EMC7: variants seen among roughly 807,000 people sequenced by gnomAD.
EMC7 encodes ER membrane protein complex subunit 7.
A neutral mutation model predicts 24.4 loss-of-function variants in EMC7; 4 were observed. That is an observed-to-expected ratio of 0.16 (90% CI 0.08 to 0.38). The LOEUF is 0.38. Among genes scored for constraint, EMC7 ranks in the 10% least tolerant of loss-of-function variants. The pLI is 1.00. For synonymous variants in EMC7, 106 were observed against 112.0 expected, an observed-to-expected ratio of 0.95 and a Z score of 0.34; for missense variants, 221 against 300.6, an observed-to-expected ratio of 0.74 and a Z score of 1.96.
At chr15:34,087,150 C>T (rs1049699376) in intron 4 of EMC7, among the ~76,000 whole-genome samples, 1 of 152,098 alleles carries the variant, frequency 6.6e-6, no homozygotes, top group South Asian at 2.1e-4. Flanking sequence ...CAGGTATGGC[C>T]TATAATTCAT....
rs1900837497 is a variant in EMC7 at position 34,084,192 on chromosome 15, C to A, written c.*142G>T. 9.4e-7 allele frequency: 1 copy of A among 1,059,046 alleles called. No homozygotes were observed. Among genetic ancestry groups the A allele is most frequent in the Admixed American group, 3.1e-5 (1 of 32,574 alleles). The allele number at this position is 1,059,046 out of a possible 1,614,324, so 65.6% of individuals were successfully genotyped here. A position where few individuals can be genotyped will look rare whatever the true frequency, so the allele number is the denominator to read the frequency against. ...TCGTGTACCAAGTACAAAACATGTG[C>A]TAAAAAGTTAACATACACAGTTGTA... On this transcript the variant is annotated 3_prime_UTR_variant, in exon 5 of 5. Coordinates refer to ENST00000256545, the MANE Select transcript of EMC7 (RefSeq NM_020154.3).
chr15:34,096,897 GAATTGCTTT>G (rs1190138344), intron 1 of EMC7, among the ~76,000 whole-genome samples: 1 of 151,222 alleles, frequency 6.6e-6, no homozygotes, highest in Non-Finnish European at 1.5e-5. Context: ...TGAGATAGGA[GAATTGCTTT>G]AACCCGGGAG....
chr15:34,084,532 T>C lies in EMC7; in HGVS notation c.577-46A>G, dbSNP rs771161068. The C allele has an allele frequency of 7.6e-6, 12 of 1,584,294 alleles. No individual in the cohort carries two copies. The African/African-American group carries it at 1.5e-4, about 20-fold the overall frequency. ...ATGATATGTAGGATCCTTCGAGTCT[T>C]TTAACTCCTAACACTTCCTATTAAG... On this transcript the variant is annotated intron_variant, in intron 4 of 4. Coordinates refer to ENST00000256545, the MANE Select transcript of EMC7 (RefSeq NM_020154.3).
intron 4 of EMC7, among the ~76,000 whole-genome samples, chr15:34,087,664 G>C (rs1900910390): frequency 6.6e-6 from 1 of 152,202 alleles, no homozygotes; most frequent in South Asian, 2.1e-4. Context: ...AGATGTTTTA[G>C]CTACATAAAG....
chr15:34,096,450 C>T (rs1901068491), intron 1 of EMC7, among the ~76,000 whole-genome samples: 2 of 152,090 alleles, frequency 1.3e-5, no homozygotes, highest in Non-Finnish European at 2.9e-5. Context: ...GGATTACAGG[C>T]ATGAGCCACT....
intron 4 of EMC7, 83 bp from the exon 5 acceptor site, chr15:34,084,569 G>A: frequency 6.8e-7 from 1 of 1,477,378 alleles, no homozygotes; most frequent in Non-Finnish European, 9.2e-7. Flanking sequence ...AAAAAGTAAA[G>A]GAGTAGAACA....
At chr15:34,092,962 T>C (rs1280327856) in intron 2 of EMC7, among the ~76,000 whole-genome samples, 1 of 152,202 alleles carries the variant, frequency 6.6e-6, no homozygotes, top group Non-Finnish European at 1.5e-5. Context: ...GTGCTCAGAA[T>C]ACTTACATTA....
At chr15:34,093,037 GTAACTTACTAAAT>G (rs1901003495) in intron 2 of EMC7, among the ~76,000 whole-genome samples, 1 of 152,106 alleles carries the variant, frequency 6.6e-6, no homozygotes, top group Non-Finnish European at 1.5e-5. Context: ...TTTAATTCAT[GTAACTTACTAAAT>G]TCTGTACTAA....
chr15:34,096,449 G>T (rs970777865), intron 1 of EMC7, among the ~76,000 whole-genome samples: 3 of 152,142 alleles, frequency 2.0e-5, no homozygotes, highest in African/African-American at 7.2e-5. Context: ...GGGATTACAG[G>T]CATGAGCCAC....
Position 34,101,736 on chromosome 15 carries a change from C to A in EMC7, c.104G>T (p.Gly35Val). 1 of 1,613,946 alleles carries A rather than the reference C, an allele frequency of 6.2e-7. No homozygotes were observed. The highest frequency in any genetic ancestry group is 8.5e-7 in the Non-Finnish European group (1 of 1,180,004). ...EVPGAAAEGS[G>V]GSGVGIGDRF... ...ATCTCCTATGCCGACCCCACTCCCT[C>A]CCGATCCCTCAGCAGCAGCCCCGGG... is the stretch of plus-strand genomic sequence containing the variant. The change falls in exon 1 of 5, where the codon GGA becomes GTA. Residue 35 changes from glycine (G) to valine (V), a missense_variant. Around this residue, in one of 2 missense-constraint regions of EMC7, gnomAD observed 156 missense variants for 177.1 expected, o/e 0.88. Transcript: ENST00000256545.
intron 4 of EMC7, among the ~76,000 whole-genome samples, chr15:34,086,984 C>A (rs945079919): frequency 6.6e-6 from 1 of 152,136 alleles, no homozygotes. Context: ...ACTACCTTAG[C>A]AAACATTTTT....
At chr15:34,099,209 AAT>A (rs1901136673) in intron 1 of EMC7, among the ~76,000 whole-genome samples, 1 of 152,180 alleles carries the variant, frequency 6.6e-6, no homozygotes, top group African/African-American at 2.4e-5. Context: ...GAAAAAAATT[AAT>A]GAGGTACACA....
chr15:34,092,261 T>A (rs1051576141), intron 2 of EMC7, among the ~76,000 whole-genome samples: 30 of 141,662 alleles, frequency 2.1e-4, no homozygotes, highest in African/African-American at 7.9e-4. Flanking sequence ...TGAGACTCCG[T>A]CACACACACA....
intron 1 of EMC7, among the ~76,000 whole-genome samples, chr15:34,097,030 G>GTTC (rs1379018161): frequency 1.8e-4 from 7 of 38,624 alleles, no homozygotes; most frequent in Admixed American, 3.4e-4. Flanking sequence ...TTGGTTTTCT[G>GTTC]TTCTTCTTCT....
At chr15:34,092,507 T>G (rs1375037063) in intron 2 of EMC7, among the ~76,000 whole-genome samples, 1 of 151,752 alleles carries the variant, frequency 6.6e-6, no homozygotes, top group Non-Finnish European at 1.5e-5. Context: ...CGCCACCATG[T>G]CCAGCTAATT....
intron 4 of EMC7, chr15:34,086,018 A>C (rs1045554343): frequency 3.6e-6 from 1 of 277,602 alleles, no homozygotes; most frequent in Admixed American, 3.9e-5. Flanking sequence ...CACTGTGAGT[A>C]ATCTCAGCAC....
chr15:34,101,620 G>C lies in EMC7; in HGVS notation c.220C>G (p.His74Asp), dbSNP rs1157602247. ...AARVLVDGEEHVGFLKTDGSF... is the reference protein window; with the variant it reads ...AARVLVDGEEDVGFLKTDGSF... Reference sequence around the variant, plus strand: ...GATGCTCACTTAAGGAAACCGACGTGCTCTTCTCCGTCTACCAGCACTCGG... The same window carrying C: ...GATGCTCACTTAAGGAAACCGACGTCCTCTTCTCCGTCTACCAGCACTCGG... The change falls in exon 1 of 5, where the codon CAC becomes GAC. Residue 74 changes from histidine (H) to aspartate (D), a missense_variant. By Grantham distance (81) the His-to-Asp change is moderately conservative (BLOSUM62 -1). This residue lies in a region of EMC7 where 156 missense variants were observed against 177.1 expected (regional missense o/e 0.88). Transcript: ENST00000256545. 6.2e-7 allele frequency: 1 copy of C among 1,613,622 alleles called. No individual in the cohort carries two copies. Among genetic ancestry groups the C allele is most frequent in the East Asian group, 2.2e-5 (1 of 44,866 alleles).
At position 34,088,106 on chromosome 15, in the gene EMC7, T is replaced by A; in HGVS notation, c.523A>T (p.Ile175Leu). The A allele has an allele frequency of 6.2e-7, 1 of 1,612,124 alleles. No individual in the cohort carries two copies. Reference sequence around the variant, plus strand: ...ACCACTTTAGGCAGAAGCACAAATATCAATAAAGGAAGAACCATCATCATA... The same window carrying A: ...ACCACTTTAGGCAGAAGCACAAATAACAATAAAGGAAGAACCATCATCATA... ...MVMMMVLPLL[I>L]FVLLPKVVNT... The change falls in exon 4 of 5, where the codon ATA (isoleucine) becomes TTA (leucine). Residue 175 changes from isoleucine (I) to leucine (L), a missense_variant. Ile to Leu is a conservative substitution (Grantham distance 5). Around this residue, in one of 2 missense-constraint regions of EMC7, gnomAD observed 65 missense variants for 123.4 expected, o/e 0.53. Coordinates refer to ENST00000256545, the MANE Select transcript of EMC7 (RefSeq NM_020154.3).
intron 2 of EMC7, among the ~76,000 whole-genome samples, chr15:34,091,273 A>G (rs1473514656): frequency 1.3e-5 from 2 of 152,108 alleles, no homozygotes; most frequent in African/African-American, 4.8e-5. Context: ...ACATTAAATT[A>G]TTTTACAGTC....
Sources: allele counts gnomAD v4.1 joint callset (sites outside exome capture counted in the v4.1 genomes callset), GRCh38; gene constraint gnomAD v4.1.1; regional missense constraint gnomAD v4.1.1; transcripts MANE v1.5; gene names NCBI Gene and HGNC (gene_info 2026-07-23, HGNC 2026-07-21).